Variants in MAK observed in about 807,000 individuals in gnomAD.
MAK encodes serine/threonine-protein kinase MAK.
In MAK, 65 loss-of-function variants were observed where a neutral mutation model predicts 82.6. That is an observed-to-expected ratio of 0.79 (90% CI 0.64 to 0.97). The LOEUF is 0.97. MAK is among the 50% of genes least tolerant of loss of function. The pLI is 0.00. For synonymous variants in MAK, 250 were observed against 274.2 expected (o/e 0.91, Z 0.87); for missense variants, 703 against 780.2 (o/e 0.90, Z 1.18).
intron 12 of MAK, among the ~76,000 whole-genome samples, chr6:10,774,629 T>A (rs1773313906): frequency 6.6e-6 from 1 of 152,236 alleles, no homozygotes; most frequent in African/African-American, 2.4e-5. Context: ...AAAAACTTTT[T>A]AAATTACCTG....
chr6:10,792,320 A>G (rs997753864), intron 9 of MAK, among the ~76,000 whole-genome samples: 2 of 152,212 alleles, frequency 1.3e-5, no homozygotes, highest in Non-Finnish European at 2.9e-5. Context: ...GGCCACAGGA[A>G]TGAAAGCCAC....
At chr6:10,833,911 A>T (rs1179213177) in intron 1 of MAK, among the ~76,000 whole-genome samples, 1 of 152,198 alleles carries the variant, frequency 6.6e-6, no homozygotes, top group Admixed American at 6.5e-5. Context: ...CTGATTCCAA[A>T]TATTAAGGTG....
rs748982282 is a variant in MAK, at chr6:10,802,397, C to G, written c.664-338G>C. 3.5e-4 allele frequency: 82 copies of G among 233,222 alleles called. 1 individual carries two copies. The highest frequency in any genetic ancestry group is 5.7e-4 in the Non-Finnish European group (67 of 118,022). 14.4% of individuals were successfully genotyped at this position (233,222 alleles called of 1,614,324 possible). The stretch of plus-strand genomic sequence containing the variant: ...CATGGCTCACTACAGCCTCACCCTC[C>G]CGGGCTCAAAAGATCCTCCTACCTC... On this transcript the variant is annotated intron_variant, in intron 7 of 14. Transcript: ENST00000354489.
chr6:10,773,542 A>G (rs980829033), intron 12 of MAK, among the ~76,000 whole-genome samples: 4 of 152,184 alleles, frequency 2.6e-5, no homozygotes, highest in Non-Finnish European at 4.4e-5. Context: ...TTTTGATCCA[A>G]TATCACCTAC....
At chr6:10,808,635 T>C (rs1464801074) in intron 6 of MAK, among the ~76,000 whole-genome samples, 175 bp downstream of exon 6, 2 of 152,226 alleles carry the variant, frequency 1.3e-5, no homozygotes, top group Admixed American at 1.3e-4. Context: ...TTTTCCTTTT[T>C]TTTTCAGTGA....
rs1237285070 is a variant in MAK at position 10,793,749 on chromosome 6, T to C, written c.1144-1902A>G. On this transcript the variant is annotated intron_variant, in intron 9 of 14. Transcript: ENST00000354489. The surrounding 1 kb of genome is among the most constrained non-coding windows in gnomAD (Gnocchi z 4.6). Reference sequence around the variant, plus strand: ...AGCGTCCCTCGCATATGCATGGCACTTGGAAGCTACTCAATAAATATTAAC... The same window carrying C: ...AGCGTCCCTCGCATATGCATGGCACCTGGAAGCTACTCAATAAATATTAAC... Among the ~76,000 whole-genome samples the C allele has an allele frequency of 6.6e-6, 1 of 152,210 alleles. No homozygotes were observed. The highest frequency in any genetic ancestry group is 6.5e-5 in the Admixed American group (1 of 15,282).
At chr6:10,788,165 A>AT (rs1204358887) in intron 10 of MAK, among the ~76,000 whole-genome samples, 7 of 151,294 alleles carry the variant, frequency 4.6e-5, no homozygotes, top group African/African-American at 1.7e-4. Flanking sequence ...TAATTTTTGT[A>AT]TTTTTTTGTA....
intron 6 of MAK, among the ~76,000 whole-genome samples, chr6:10,804,160 G>A (rs1181331526): frequency 1.3e-5 from 2 of 152,080 alleles, no homozygotes; most frequent in Non-Finnish European, 2.9e-5. Flanking sequence ...AATAGATATG[G>A]AAATAAGTGC....
At chr6:10,783,253 T>C (rs1011604258) in intron 11 of MAK, among the ~76,000 whole-genome samples, 2 of 152,194 alleles carry the variant, frequency 1.3e-5, no homozygotes, top group African/African-American at 4.8e-5. Flanking sequence ...ATTTCCTTTT[T>C]ATTTGGATTT....
chr6:10,764,653 T>G (rs1274099995), intron 14 of MAK, 47 bp from the exon 15 acceptor site: 2 of 1,543,010 alleles, frequency 1.3e-6, no homozygotes. Flanking sequence ...CATTTGCTTA[T>G]CAAACTCAAA....
chr6:10,769,991 C>A (rs534051592), intron 14 of MAK, 120 bp downstream of exon 14: 2 of 1,570,022 alleles, frequency 1.3e-6, no homozygotes, highest in African/African-American at 1.4e-5. Flanking sequence ...AAAAGAAATG[C>A]GTTAATGAGG....
At chr6:10,777,513 A>T (rs1773564157) in intron 11 of MAK, among the ~76,000 whole-genome samples, 1 of 152,228 alleles carries the variant, frequency 6.6e-6, no homozygotes, top group Non-Finnish European at 1.5e-5. Context: ...TGAGTTCTGA[A>T]TATTTAAATG....
At chr6:10,824,398 A>G (rs2127583156) in intron 2 of MAK, among the ~76,000 whole-genome samples, 1 of 152,254 alleles carries the variant, frequency 6.6e-6, no homozygotes, top group Middle Eastern at 3.4e-3. Context: ...TTTCTTGTTC[A>G]ACTTGTGGCT....
rs148041150 is a variant in MAK at position 10,800,043 on chromosome 6, G to A, written c.831+1849C>T. Among the ~76,000 whole-genome samples the A allele has an allele frequency of 0.013, 1,896 of 149,242 alleles. 40 individuals carry two copies. The highest frequency in any genetic ancestry group is 0.044 in the African/African-American group (1,759 of 40,284). ...AGCCTGGGCGATGGAGCGAGACTCC[G>A]TTTCAAAAACAAAAACAAAAACAAA... On this transcript the variant is annotated intron_variant, in intron 8 of 14. Coordinates refer to ENST00000354489, the MANE Select transcript of MAK (RefSeq NM_001242957.3). The surrounding 1 kb of genome is among the most constrained non-coding windows in gnomAD (Gnocchi z 4.2).
intron 11 of MAK, among the ~76,000 whole-genome samples, chr6:10,778,942 A>G (rs1021841454): frequency 1.3e-5 from 2 of 151,966 alleles, no homozygotes; most frequent in African/African-American, 2.4e-5. Context: ...AGCCTGGCCA[A>G]CATGGTGAAA....
intron 2 of MAK, among the ~76,000 whole-genome samples, chr6:10,823,898 CTAGAATATT>C (rs762606668): frequency 9.2e-5 from 14 of 151,960 alleles, no homozygotes; most frequent in South Asian, 2.1e-4. Flanking sequence ...CAAGTTATAC[CTAGAATATT>C]TATAGCCTAA....
chr6:10,805,680 T>C (rs1776385975), intron 6 of MAK, among the ~76,000 whole-genome samples: 1 of 152,238 alleles, frequency 6.6e-6, no homozygotes. Context: ...ATATGTTGTT[T>C]CACTTAAAGT....
At chr6:10,821,038 T>C (rs984472894) in intron 2 of MAK, among the ~76,000 whole-genome samples, 1 of 152,140 alleles carries the variant, frequency 6.6e-6, no homozygotes, top group African/African-American at 2.4e-5. Flanking sequence ...AGCCTTGACC[T>C]CCTGGGCTCA....
In MAK at chr6:10,829,940, G is replaced by A. The variant is rs1205445103; in HGVS notation, c.101+608C>T. ...CAACCTCTGCCTCCCAGGTTGAAGC[G>A]ATTCTCGTGCCTCAGCCTCCTGAGT... is the stretch of plus-strand genomic sequence containing the variant. On this transcript the variant is annotated intron_variant, in intron 2 of 14. Coordinates refer to ENST00000354489, the MANE Select transcript of MAK (RefSeq NM_001242957.3). 2.6e-5 allele frequency among the ~76,000 whole-genome samples: 4 copies of A among 151,042 alleles called. No homozygotes were observed. In the East Asian group the frequency reaches 5.9e-4, roughly 22 times the overall value.
Sources: allele counts gnomAD v4.1 joint callset (sites outside exome capture counted in the v4.1 genomes callset), GRCh38; gene constraint gnomAD v4.1.1; non-coding constraint Gnocchi (gnomAD v3.1); transcripts MANE v1.5; gene names NCBI Gene and HGNC (gene_info 2026-07-23, HGNC 2026-07-21).